The following EXOC4 variants were observed in gnomAD, a reference collection of about 807,000 sequenced individuals.
EXOC4 encodes exocyst complex component 4.
A neutral mutation model predicts 107.2 loss-of-function variants in EXOC4; 71 were observed. The ratio of observed to expected loss-of-function variants is 0.66; its 90% CI spans 0.55 to 0.81. The LOEUF (loss-of-function observed/expected upper bound fraction) is 0.81. Ranked by LOEUF, EXOC4 falls within the 30% of genes least tolerant of loss-of-function variation. EXOC4 has a pLI of 0.00. For missense variants in EXOC4, 1,108 were observed against 1,189.6 expected (o/e 0.93, Z 1.01); for synonymous variants, 456 against 441.2 (o/e 1.03, Z -0.42).
intron 10 of EXOC4, among the ~76,000 whole-genome samples, chr7:133,769,308 C>T (rs1004377798): frequency 6.6e-5 from 10 of 151,668 alleles, no homozygotes; most frequent in African/African-American, 2.4e-4. Flanking sequence ...GAAAGCTGGG[C>T]TTTCATTGCC....
At chr7:133,551,494 C>T (rs1800588502) in intron 9 of EXOC4, 6 of 151,920 alleles carry the variant, frequency 3.9e-5, no homozygotes, top group African/African-American at 1.2e-4. Context: ...GAAGGAGAAA[C>T]GTAACTGCCG....
chr7:133,867,080 T>C (rs1211738473), intron 11 of EXOC4, among the ~76,000 whole-genome samples: 2 of 152,220 alleles, frequency 1.3e-5, no homozygotes, highest in Admixed American at 6.5e-5. Flanking sequence ...TGGAAACTAG[T>C]GCTCCTCAGT....
chr7:133,397,529 T>C (rs1009673142), intron 7 of EXOC4, among the ~76,000 whole-genome samples: 1 of 152,218 alleles, frequency 6.6e-6, no homozygotes, highest in African/African-American at 2.4e-5. Context: ...TTTTTGTCTG[T>C]AAACTATTGC....
At chr7:133,456,217 C>T (rs1161224294) in intron 7 of EXOC4, among the ~76,000 whole-genome samples, 2 of 152,208 alleles carry the variant, frequency 1.3e-5, no homozygotes, top group Non-Finnish European at 2.9e-5. Flanking sequence ...GTTACTGTGA[C>T]TGAATCCTAG....
chr7:134,052,831 C>G (rs1329105164), intron 17 of EXOC4, among the ~76,000 whole-genome samples: 1 of 152,190 alleles, frequency 6.6e-6, no homozygotes, highest in Non-Finnish European at 1.5e-5. Flanking sequence ...TTACAGATCA[C>G]TAGTGAAAAC....
intron 10 of EXOC4, among the ~76,000 whole-genome samples, chr7:133,675,258 A>G (rs1794030426): frequency 6.6e-6 from 1 of 152,132 alleles, no homozygotes; most frequent in African/African-American, 2.4e-5. Flanking sequence ...GCTATCCATA[A>G]ATGCAATATC....
At chr7:134,067,938 T>TC (rs1166418018), downstream of EXOC4, among the ~76,000 whole-genome samples, 1 of 152,046 alleles carries the variant, frequency 6.6e-6, no homozygotes. Flanking sequence ...TAGAACATTT[T>TC]CCCCCTCCAC....
rs1055540984 is a variant in EXOC4 at position 133,583,419 on chromosome 7, C to T, written c.1418-46626C>T. On this transcript the variant is annotated intron_variant, in intron 9 of 17. Transcript: ENST00000253861. ...CAGTTACGTAAAGAAGTAATGGTGG[C>T]ACCCCAGGGACTGAAATGCTGTTCA... is the stretch of plus-strand genomic sequence containing the variant. 3.9e-5 allele frequency among the ~76,000 whole-genome samples: 6 copies of T among 152,148 alleles called. No homozygotes were observed. The East Asian group carries it at 1.2e-3, about 29-fold the overall frequency.
chr7:133,585,054 T>G (rs1385289301), intron 9 of EXOC4, among the ~76,000 whole-genome samples: 2 of 152,232 alleles, frequency 1.3e-5, no homozygotes, highest in Non-Finnish European at 2.9e-5. Flanking sequence ...GCATAAATCT[T>G]AGGCTTCTGT....
At chr7:133,499,883 A>G (rs1799545708) in intron 9 of EXOC4, among the ~76,000 whole-genome samples, 1 of 152,186 alleles carries the variant, frequency 6.6e-6, no homozygotes, top group African/African-American at 2.4e-5. Flanking sequence ...CAGCCTCCAG[A>G]ACTGTGAGCC....
At chr7:134,019,348 C>T (rs567096311) in intron 17 of EXOC4, among the ~76,000 whole-genome samples, 1 of 152,238 alleles carries the variant, frequency 6.6e-6, no homozygotes, top group South Asian at 2.1e-4. Flanking sequence ...ACAAGGAAAG[C>T]TCCTGCAAGA....
At chr7:134,060,296 A>T (rs1230753588) in intron 17 of EXOC4, among the ~76,000 whole-genome samples, 1 of 152,242 alleles carries the variant, frequency 6.6e-6, no homozygotes, top group South Asian at 2.1e-4. Flanking sequence ...AGAATGTTCC[A>T]TCCAGCAGGG....
intron 10 of EXOC4, among the ~76,000 whole-genome samples, chr7:133,723,908 T>A (rs974562613): frequency 6.6e-6 from 1 of 152,098 alleles, no homozygotes; most frequent in Admixed American, 6.5e-5. Flanking sequence ...ATTATAGATG[T>A]GCCACCATGC....
rs1458996375 is a variant in EXOC4, at chr7:133,374,970, G to T, written c.1150G>T (p.Asp384Tyr). ...QEDIKLYDMA[D>Y]VWVKIQDVLQ... is the part of the protein sequence containing the mutation. ...AGATATCAAACTGTATGATATGGCAGATGTATGGGTGAAGATCCAAGATGT... is the reference window on the plus strand; with the variant it reads ...AGATATCAAACTGTATGATATGGCATATGTATGGGTGAAGATCCAAGATGT... Residue 384 changes from aspartate (D) to tyrosine (Y), a missense_variant, in exon 7 of 18, where the codon GAT becomes TAT. Physicochemically the swap from Asp to Tyr is radical, Grantham distance 160. Coordinates refer to ENST00000253861, the MANE Select transcript of EXOC4 (RefSeq NM_021807.4). 6.2e-6 allele frequency: 10 copies of T among 1,613,904 alleles called. No individual in the cohort carries two copies. Among genetic ancestry groups the T allele is most frequent in the Non-Finnish European group, 8.5e-6 (10 of 1,179,958 alleles).
intron 7 of EXOC4, among the ~76,000 whole-genome samples, chr7:133,383,446 C>T (rs1796662053): frequency 6.6e-6 from 1 of 152,024 alleles, no homozygotes; most frequent in African/African-American, 2.4e-5. Flanking sequence ...TTTTTAGTGC[C>T]TTGATTTCTT....
At chr7:133,603,035 GA>G (rs1306943060) in intron 9 of EXOC4, among the ~76,000 whole-genome samples, 1 of 152,046 alleles carries the variant, frequency 6.6e-6, no homozygotes, top group Non-Finnish European at 1.5e-5. Flanking sequence ...TTTCCACATT[GA>G]AAAAATATGC....
At chr7:133,413,060 A>G (rs2150748416) in intron 7 of EXOC4, among the ~76,000 whole-genome samples, 1 of 152,204 alleles carries the variant, frequency 6.6e-6, no homozygotes. Context: ...TAATCAGTGG[A>G]AATGTTCAGA....
intron 1 of EXOC4, among the ~76,000 whole-genome samples, chr7:133,257,078 G>T (rs183875570): frequency 1.3e-5 from 2 of 152,332 alleles, no homozygotes; most frequent in Admixed American, 1.3e-4. Context: ...ATGTTTCAAA[G>T]GGTGGACTTC....
At position 133,305,879 on chromosome 7, in the gene EXOC4, G is replaced by T. The variant is rs1369468476; in HGVS notation, c.474G>T (p.Val158=). 6.3e-7 allele frequency: 1 copy of T among 1,592,920 alleles called. No individual in the cohort carries two copies. The highest frequency in any genetic ancestry group is 8.5e-7 in the Non-Finnish European group (1 of 1,171,082). ...CTTTCATTTTTTTCTCTTTTCAGGT[G>T]TCAGCAGTTGAGTCTTTGGAGGGCC... The part of the protein sequence containing the change: ...KHYLSATDML[V]SAVESLEGPL... The change falls in exon 4 of 18, where the codon GTG becomes GTT. Residue 158 remains valine (V), a splice_region_variant and synonymous_variant. Coordinates refer to ENST00000253861, the MANE Select transcript of EXOC4 (RefSeq NM_021807.4).
Sources: allele counts gnomAD v4.1 joint callset (sites outside exome capture counted in the v4.1 genomes callset), GRCh38; gene constraint gnomAD v4.1.1; transcripts MANE v1.5; gene names NCBI Gene and HGNC (gene_info 2026-07-23, HGNC 2026-07-21).